SOX6: variants seen among roughly 807,000 people sequenced by gnomAD.
SOX6 encodes the protein SRY-box transcription factor 6, also known as transcription factor SOX-6.
Under a neutral mutation model 97.8 loss-of-function variants are expected in SOX6, and 11 were observed. That is an observed-to-expected ratio of 0.11 (90% confidence interval 0.07 to 0.19). SOX6 has a LOEUF of 0.19. Among genes scored for constraint, SOX6 ranks in the 10% least tolerant of loss-of-function variants. SOX6 has a pLI of 1.00. For missense variants in SOX6, 810 were observed against 1,039.5 expected, an observed-to-expected ratio of 0.78 and a Z score of 3.04; for synonymous variants, 360 against 371.4, an observed-to-expected ratio of 0.97 and a Z score of 0.35.
intron 4 of SOX6, among the ~76,000 whole-genome samples, chr11:16,542,161 G>T (rs1310795440): frequency 6.6e-6 from 1 of 152,170 alleles, no homozygotes; most frequent in Non-Finnish European, 1.5e-5. Context: ...CATGTCCTTT[G>T]CAGGGACATG....
At chr11:16,054,887 C>T (rs1847776001) in intron 10 of SOX6, among the ~76,000 whole-genome samples, 1 of 152,156 alleles carries the variant, frequency 6.6e-6, no homozygotes, top group African/African-American at 2.4e-5. Context: ...TAGGTACCAG[C>T]TGCAGCACAA....
At chr11:16,040,439 C>A (rs766018227) in intron 12 of SOX6, among the ~76,000 whole-genome samples, 2 of 151,910 alleles carry the variant, frequency 1.3e-5, no homozygotes, top group Non-Finnish European at 2.9e-5. Flanking sequence ...TTCACAGTTG[C>A]CCAATGTTAT....
intron 4 of SOX6, among the ~76,000 whole-genome samples, chr11:16,525,287 T>C (rs1282742357): frequency 2.0e-5 from 3 of 151,476 alleles, no homozygotes; most frequent in Non-Finnish European, 2.9e-5. Context: ...AACAGAGATA[T>C]AGATCAATGG....
At chr11:16,287,192 G>A (rs1854770576) in intron 3 of SOX6, among the ~76,000 whole-genome samples, 1 of 151,774 alleles carries the variant, frequency 6.6e-6, no homozygotes, top group Non-Finnish European at 1.5e-5. Context: ...TGGGGGCAAA[G>A]AGATGCTATA....
intron 4 of SOX6, among the ~76,000 whole-genome samples, chr11:16,581,955 C>A (rs1848035686): frequency 1.7e-5 from 2 of 120,640 alleles, no homozygotes; most frequent in African/African-American, 3.5e-5. Flanking sequence ...AGTGAGACTC[C>A]ATCTCAAAAA....
At chr11:16,025,860 AT>A (rs781339818) in intron 12 of SOX6, among the ~76,000 whole-genome samples, 1 of 152,200 alleles carries the variant, frequency 6.6e-6, no homozygotes, top group Non-Finnish European at 1.5e-5. Context: ...ATTTAAAAAA[AT>A]ATGTATGCTG....
intron 4 of SOX6, among the ~76,000 whole-genome samples, chr11:16,570,378 T>A (rs538734925): frequency 6.7e-6 from 1 of 149,280 alleles, no homozygotes; most frequent in African/African-American, 2.5e-5. Flanking sequence ...CAATGTCTAC[T>A]TGCTTAGGTT....
At chr11:16,343,821 C>G (rs1856706035) in intron 1 of SOX6, among the ~76,000 whole-genome samples, 1 of 151,876 alleles carries the variant, frequency 6.6e-6, no homozygotes, top group African/African-American at 2.4e-5. Flanking sequence ...TTCAGGAATG[C>G]TACCTATTTA....
intron 4 of SOX6, among the ~76,000 whole-genome samples, chr11:16,570,474 G>A (rs1255054883): frequency 1.3e-5 from 2 of 151,906 alleles, no homozygotes; most frequent in East Asian, 1.9e-4. Context: ...CTCTGGGAAC[G>A]TATTTCCCAG....
At chr11:16,592,201 CTG>C (rs1262898691) in intron 4 of SOX6, among the ~76,000 whole-genome samples, 1 of 151,488 alleles carries the variant, frequency 6.6e-6, no homozygotes, top group Non-Finnish European at 1.5e-5. Context: ...AACCACTATT[CTG>C]TCAGAAGTTC....
At chr11:16,458,376 CCATAG>C (rs1220113419) in intron 1 of SOX6, among the ~76,000 whole-genome samples, 1 of 151,294 alleles carries the variant, frequency 6.6e-6, no homozygotes, top group Non-Finnish European at 1.5e-5. Flanking sequence ...GTATGCTAAC[CCATAG>C]TATATTCACC....
At chr11:16,392,547 T>A (rs1368888504) in intron 1 of SOX6, among the ~76,000 whole-genome samples, 2 of 152,076 alleles carry the variant, frequency 1.3e-5, no homozygotes, top group East Asian at 3.9e-4. Context: ...GTAAATTAAT[T>A]TATTACTACT....
chr11:16,371,824 TA>T (rs1238508544), intron 1 of SOX6, among the ~76,000 whole-genome samples: 9 of 152,210 alleles, frequency 5.9e-5, no homozygotes, highest in African/African-American at 1.9e-4. Flanking sequence ...TAGAATTTTC[TA>T]CTTCTGGCAT....
chr11:16,339,782 G>A (rs1050515016), intron 2 of SOX6, among the ~76,000 whole-genome samples: 27 of 152,040 alleles, frequency 1.8e-4, no homozygotes, highest in Admixed American at 1.2e-3. Flanking sequence ...ATGAAACATC[G>A]CTCCATTATC....
At chr11:16,616,528 T>C (rs1848473472) in intron 3 of SOX6, among the ~76,000 whole-genome samples, 1 of 152,006 alleles carries the variant, frequency 6.6e-6, no homozygotes, top group Non-Finnish European at 1.5e-5. Context: ...CTTTGCTTGT[T>C]TTCCACAATT....
intron 1 of SOX6, among the ~76,000 whole-genome samples, chr11:16,471,809 C>T (rs1860147026): frequency 1.3e-5 from 2 of 152,104 alleles, no homozygotes; most frequent in South Asian, 4.1e-4. Context: ...CCTAGCAAAA[C>T]CTGAGATCAC....
At chr11:16,340,320 A>T (rs1430537054) in intron 2 of SOX6, among the ~76,000 whole-genome samples, 4 of 152,082 alleles carry the variant, frequency 2.6e-5, no homozygotes, top group Non-Finnish European at 5.9e-5. Context: ...ATGCTAAAAA[A>T]ATTGAATATT....
intron 4 of SOX6, among the ~76,000 whole-genome samples, chr11:16,559,209 T>C (rs1443598823): frequency 5.9e-5 from 9 of 152,200 alleles, no homozygotes; most frequent in Non-Finnish European, 1.3e-4. Context: ...ATCAATAAAA[T>C]ACCTTTTCAC....
intron 3 of SOX6, among the ~76,000 whole-genome samples, chr11:16,289,340 A>C (rs1224756641): frequency 1.3e-5 from 2 of 151,944 alleles, no homozygotes; most frequent in African/African-American, 4.8e-5. Context: ...GTAACTGACA[A>C]GTCTGGCACA....
Sources: allele counts gnomAD v4.1 joint callset (sites outside exome capture counted in the v4.1 genomes callset), GRCh38; gene constraint gnomAD v4.1.1; transcripts MANE v1.5; gene names NCBI Gene and HGNC (gene_info 2026-07-23, HGNC 2026-07-21).